Variants in STAC observed in about 807,000 individuals in gnomAD.
STAC encodes SH3 and cysteine rich domain.
In STAC, 43 loss-of-function variants were observed where a neutral mutation model predicts 48.8. That is an observed-to-expected ratio of 0.88 (90% CI 0.69 to 1.14). The LOEUF (loss-of-function observed/expected upper bound fraction) is 1.14. STAC is among the 50% of genes most tolerant of loss of function. The pLI is 0.00. For synonymous variants in STAC, 193 were observed against 179.5 expected (o/e 1.07, Z -0.60); for missense variants, 497 against 504.0 (o/e 0.99, Z 0.13).
chr3:36,503,113 T>G (rs1698317686), intron 6 of STAC, among the ~76,000 whole-genome samples: 2 of 152,180 alleles, frequency 1.3e-5, no homozygotes, highest in African/African-American at 4.8e-5. Context: ...CTACTGACAT[T>G]TCTTTGATAA....
At chr3:36,475,010 T>C (rs935511879) in intron 2 of STAC, among the ~76,000 whole-genome samples, 19 of 152,282 alleles carry the variant, frequency 1.2e-4, no homozygotes, top group Middle Eastern at 3.4e-3. Context: ...TGTGTGTGTG[T>C]GCGCGCGCGC....
chr3:36,435,524 A>G (rs1463974499), intron 1 of STAC, among the ~76,000 whole-genome samples: 2 of 145,992 alleles, frequency 1.4e-5, no homozygotes, highest in Non-Finnish European at 3.1e-5. Context: ...AACATGACAG[A>G]AAAAAAAAAC....
intron 10 of STAC, among the ~76,000 whole-genome samples, chr3:36,534,872 C>A (rs1699162776): frequency 6.6e-6 from 1 of 152,048 alleles, no homozygotes; most frequent in Non-Finnish European, 1.5e-5. Flanking sequence ...TGACATGTTG[C>A]TCAGGCTGGT....
intron 5 of STAC, among the ~76,000 whole-genome samples, chr3:36,489,191 C>T (rs1033592369): frequency 5.3e-5 from 8 of 152,162 alleles, no homozygotes; most frequent in African/African-American, 1.9e-4. Flanking sequence ...TGAATAAATA[C>T]TGAGTATCTA....
intron 1 of STAC, among the ~76,000 whole-genome samples, chr3:36,427,836 T>C (rs1249415147): frequency 6.6e-6 from 1 of 152,182 alleles, no homozygotes; most frequent in African/African-American, 2.4e-5. Context: ...AATAATGATG[T>C]ACCCAGAGGG....
intron 1 of STAC, among the ~76,000 whole-genome samples, chr3:36,402,181 C>T (rs1480591901): frequency 6.6e-6 from 1 of 152,040 alleles, no homozygotes; most frequent in Non-Finnish European, 1.5e-5. Flanking sequence ...TTTTTAACTT[C>T]TATTCCCTAC....
At chr3:36,545,086 T>A (rs1326073843) in intron 10 of STAC, among the ~76,000 whole-genome samples, 1 of 152,174 alleles carries the variant, frequency 6.6e-6, no homozygotes, top group Non-Finnish European at 1.5e-5. Context: ...GTGGGTGCAC[T>A]CATCTCCCAG....
chr3:36,395,214 G>A (rs535957509), intron 1 of STAC, among the ~76,000 whole-genome samples: 8 of 152,280 alleles, frequency 5.3e-5, no homozygotes, highest in Admixed American at 4.6e-4. Flanking sequence ...AGACAAGAAA[G>A]TTGAAGAGGT....
chr3:36,458,382 C>T (rs1258404481), intron 2 of STAC, among the ~76,000 whole-genome samples: 2 of 152,058 alleles, frequency 1.3e-5, no homozygotes, highest in Admixed American at 6.6e-5. Context: ...GATCTAACTC[C>T]AAATATCAAG....
At chr3:36,541,106 G>A (rs1167540802) in intron 10 of STAC, among the ~76,000 whole-genome samples, 2 of 152,076 alleles carry the variant, frequency 1.3e-5, no homozygotes, top group Non-Finnish European at 2.9e-5. Context: ...GTCACAGATG[G>A]CTGCAGCCAC....
At chr3:36,442,780 AC>A (rs1696387190) in intron 1 of STAC, among the ~76,000 whole-genome samples, 1 of 85,752 alleles carries the variant, frequency 1.2e-5, no homozygotes, top group African/African-American at 3.3e-5. Flanking sequence ...ACACACACAC[AC>A]ACACACACAC....
At chr3:36,412,782 A>G (rs1456909552) in intron 1 of STAC, among the ~76,000 whole-genome samples, 2 of 152,150 alleles carry the variant, frequency 1.3e-5, no homozygotes, top group African/African-American at 4.8e-5. Flanking sequence ...TACCTAAAAT[A>G]TTACGTATTT....
chr3:36,543,974 C>G (rs1289678668), intron 10 of STAC, among the ~76,000 whole-genome samples: 1 of 152,158 alleles, frequency 6.6e-6, no homozygotes, highest in Non-Finnish European at 1.5e-5. Context: ...CCAGCATACT[C>G]AAAGGGCGGG....
At chr3:36,531,998 C>A (rs1048906446) in intron 10 of STAC, among the ~76,000 whole-genome samples, 1 of 152,124 alleles carries the variant, frequency 6.6e-6, no homozygotes, top group Non-Finnish European at 1.5e-5. Context: ...AAAAGTAGCA[C>A]AATTTAAAAT....
intron 1 of STAC, among the ~76,000 whole-genome samples, chr3:36,415,778 A>G (rs1350628549): frequency 1.3e-5 from 2 of 152,146 alleles, no homozygotes; most frequent in Non-Finnish European, 2.9e-5. Flanking sequence ...ATTTAACTCA[A>G]CTGTAAATTT....
rs75614544 is a variant in STAC, at chr3:36,529,461, G to A, written c.1110+476G>A. Among the ~76,000 whole-genome samples the A allele has an allele frequency of 7.2e-3, 1,097 of 152,138 alleles. 18 individuals carry two copies. Among genetic ancestry groups the A allele is most frequent in the African/African-American group, 0.024 (977 of 41,500 alleles). On this transcript the variant is annotated intron_variant, in intron 10 of 10. Transcript: ENST00000273183. ...ACCTTCATATCATTGCAAAAGACAC[G>A]GACTAAATTTAGATAACCAGATACT... is the stretch of plus-strand genomic sequence containing the variant.
At position 36,528,932 on chromosome 3, in the gene STAC, A is replaced by G. The variant is rs1559526833; in HGVS notation, c.1057A>G (p.Arg353Gly). Residue 353 changes from arginine (R) to glycine (G), a missense_variant, in exon 10 of 11, where the codon AGA becomes GGA. Transcript: ENST00000273183. ...AAATGAGAAGATTTTTAGATGTGTT[A>G]GAACCTTCATTGGGTGTAAGGAACA... ...QQNEKIFRCVRTFIGCKEQGQ... is the reference protein window; with the variant it reads ...QQNEKIFRCVGTFIGCKEQGQ... The G allele has an allele frequency of 6.2e-7, 1 of 1,613,792 alleles. No individual in the cohort carries two copies. The highest frequency in any genetic ancestry group is 8.5e-7 in the Non-Finnish European group (1 of 1,179,828).
At chr3:36,388,796 T>C (rs1699678184) in intron 1 of STAC, among the ~76,000 whole-genome samples, 1 of 152,134 alleles carries the variant, frequency 6.6e-6, no homozygotes, top group African/African-American at 2.4e-5. Flanking sequence ...TTAGATTCTC[T>C]TTTAGAGTTA....
intron 1 of STAC, among the ~76,000 whole-genome samples, chr3:36,417,403 C>T (rs191669066): frequency 2.5e-4 from 38 of 152,268 alleles, no homozygotes; most frequent in Admixed American, 1.4e-3. Flanking sequence ...TTTATGTTCA[C>T]TCTTCTTACA....
Sources: allele counts gnomAD v4.1 joint callset (sites outside exome capture counted in the v4.1 genomes callset), GRCh38; gene constraint gnomAD v4.1.1; transcripts MANE v1.5; gene names NCBI Gene and HGNC (gene_info 2026-07-23, HGNC 2026-07-21).